Variants in WWC1 observed in about 807,000 individuals in gnomAD.
The protein encoded by WWC1 is protein KIBRA.
A neutral mutation model predicts 138.4 loss-of-function variants in WWC1; 55 were observed. The observed-to-expected ratio is 0.40, with a 90% CI of 0.32 to 0.50. WWC1 has a LOEUF of 0.50. Among genes scored for constraint, WWC1 ranks in the 20% least tolerant of loss-of-function variants. The pLI is 0.72. For synonymous variants in WWC1, 524 were observed against 564.9 expected, an observed-to-expected ratio of 0.93 and a Z score of 1.03; for missense variants, 1,226 against 1,420.4, an observed-to-expected ratio of 0.86 and a Z score of 2.20.
At chr5:168,460,863 ATGT>A in intron 20 of WWC1, 121 bp downstream of exon 20, 2 of 1,045,762 alleles carry the variant, frequency 1.9e-6, no homozygotes, top group East Asian at 2.6e-5. Flanking sequence ...GGCTAGAAAA[ATGT>A]TGCTCTCTCA....
At chr5:168,455,654 C>T (rs1582368424) in intron 19 of WWC1, 134 bp downstream of exon 19, 1 of 1,172,406 alleles carries the variant, frequency 8.5e-7, no homozygotes, top group East Asian at 2.7e-5. Context: ...CCTCAGTTTC[C>T]TCAGGTGGAG....
intron 1 of WWC1, among the ~76,000 whole-genome samples, chr5:168,338,009 T>C (rs921692840): frequency 3.3e-5 from 5 of 152,122 alleles, no homozygotes; most frequent in African/African-American, 1.2e-4. Flanking sequence ...GTGTGCAGTT[T>C]GTTCTAAATG....
At chr5:168,351,422 T>C (rs185028586) in intron 1 of WWC1, among the ~76,000 whole-genome samples, 110 of 152,150 alleles carry the variant, frequency 7.2e-4, no homozygotes, top group Middle Eastern at 6.8e-3. Context: ...CATATACACA[T>C]GGGAAATGTA....
chr5:168,347,267 G>T (rs1252563685), intron 1 of WWC1, among the ~76,000 whole-genome samples: 1 of 152,162 alleles, frequency 6.6e-6, no homozygotes, highest in East Asian at 1.9e-4. Context: ...CGAGTTAACC[G>T]CTGTCAGTCA....
intron 1 of WWC1, among the ~76,000 whole-genome samples, chr5:168,298,852 G>C (rs1440335305): frequency 1.3e-5 from 2 of 152,168 alleles, no homozygotes; most frequent in Non-Finnish European, 2.9e-5. Context: ...GGGAGGTCGA[G>C]GTGGGTGGAT....
At chr5:168,407,247 A>G (rs1779866400) in intron 6 of WWC1, among the ~76,000 whole-genome samples, 1 of 152,220 alleles carries the variant, frequency 6.6e-6, no homozygotes, top group African/African-American at 2.4e-5. Context: ...GTAATGTGCC[A>G]GGTGATTATG....
intron 1 of WWC1, among the ~76,000 whole-genome samples, chr5:168,299,729 G>A (rs1281505485): frequency 6.6e-6 from 1 of 152,226 alleles, no homozygotes; most frequent in Admixed American, 6.5e-5. Context: ...CCAAGTTCAG[G>A]TGCACGTAAG....
intron 1 of WWC1, among the ~76,000 whole-genome samples, chr5:168,355,461 TC>T (rs1561649690): frequency 8.3e-6 from 1 of 120,090 alleles, no homozygotes; most frequent in Non-Finnish European, 1.6e-5. Flanking sequence ...GCCACTACAC[TC>T]CAGCCTGGGT....
At chr5:168,342,035 A>G (rs1774077103) in intron 1 of WWC1, among the ~76,000 whole-genome samples, 1 of 152,188 alleles carries the variant, frequency 6.6e-6, no homozygotes, top group Non-Finnish European at 1.5e-5. Context: ...TAATGGGAGG[A>G]AACAGCTTCC....
At chr5:168,454,359 G>A (rs1178310184) in intron 18 of WWC1, among the ~76,000 whole-genome samples, 1 of 152,182 alleles carries the variant, frequency 6.6e-6, no homozygotes, top group Non-Finnish European at 1.5e-5. Context: ...GACGGTTTGG[G>A]TTTGAATTCT....
chr5:168,454,262 C>T (rs1476595945), intron 18 of WWC1, among the ~76,000 whole-genome samples, 162 bp downstream of exon 18: 1 of 152,148 alleles, frequency 6.6e-6, no homozygotes, highest in African/African-American at 2.4e-5. Context: ...TGATAGTAAA[C>T]CAGGAGAGGC....
intron 5 of WWC1, among the ~76,000 whole-genome samples, chr5:168,403,050 C>A (rs944746142): frequency 7.6e-6 from 1 of 131,274 alleles, no homozygotes; most frequent in African/African-American, 3.2e-5. Context: ...TTCTTTCTTT[C>A]TTTCTTTCTT....
intron 1 of WWC1, among the ~76,000 whole-genome samples, chr5:168,334,666 T>A (rs1454929944): frequency 6.6e-6 from 1 of 152,246 alleles, no homozygotes; most frequent in East Asian, 1.9e-4. Flanking sequence ...GACAGGGGAC[T>A]CTGGCTGTTT....
chr5:168,328,490 C>T (rs900139211), intron 1 of WWC1, among the ~76,000 whole-genome samples: 13 of 152,138 alleles, frequency 8.5e-5, no homozygotes, highest in Non-Finnish European at 1.8e-4. Context: ...AGTCATTCCC[C>T]TTTTCCTTAT....
chr5:168,458,270 A>T (rs1281162675), intron 19 of WWC1, among the ~76,000 whole-genome samples: 1 of 152,198 alleles, frequency 6.6e-6, no homozygotes, highest in Non-Finnish European at 1.5e-5. Context: ...AAAAACTCAA[A>T]GCACTGTGCT....
At chr5:168,394,478 G>A (rs1778737742) in intron 3 of WWC1, among the ~76,000 whole-genome samples, 1 of 148,012 alleles carries the variant, frequency 6.8e-6, no homozygotes, top group Admixed American at 6.7e-5. Flanking sequence ...TGTAATCCCA[G>A]CACTTGGGGG....
chr5:168,345,381 G>T (rs973998156), intron 1 of WWC1, among the ~76,000 whole-genome samples: 1 of 152,232 alleles, frequency 6.6e-6, no homozygotes, highest in Non-Finnish European at 1.5e-5. Flanking sequence ...ACAGGGGTGA[G>T]CTACCATGCC....
intron 1 of WWC1, among the ~76,000 whole-genome samples, chr5:168,361,405 G>C (rs914759581): frequency 1.3e-5 from 2 of 152,138 alleles, no homozygotes; most frequent in Non-Finnish European, 2.9e-5. Context: ...AAAATGAAGA[G>C]CCCACCTCCC....
rs754389511 is a variant in WWC1, at chr5:168,349,126, C to T, written c.120-22298C>T. Among the ~76,000 whole-genome samples the T allele has an allele frequency of 3.5e-4, 53 of 152,072 alleles. 1 individual carries two copies. The highest frequency in any genetic ancestry group is 1.0e-4 in the Non-Finnish European group (7 of 68,014). Reference sequence around the variant, plus strand: ...GGCCGAGTCCCTTCTGTTCCCTGTGCGTCAATTTCCCCATCTCCACAATGA... The same window carrying T: ...GGCCGAGTCCCTTCTGTTCCCTGTGTGTCAATTTCCCCATCTCCACAATGA... On this transcript the variant is annotated intron_variant, in intron 1 of 22. Transcript: ENST00000265293.
Sources: allele counts gnomAD v4.1 joint callset (sites outside exome capture counted in the v4.1 genomes callset), GRCh38; gene constraint gnomAD v4.1.1; transcripts MANE v1.5; gene names NCBI Gene and HGNC (gene_info 2026-07-23, HGNC 2026-07-21).